Variants in CTNNA3 observed in about 807,000 individuals in gnomAD.
The protein encoded by CTNNA3 is catenin alpha 3.
A neutral mutation model predicts 95.7 loss-of-function variants in CTNNA3; 76 were observed. The ratio of observed to expected loss-of-function variants is 0.79; its 90% CI spans 0.66 to 0.96. CTNNA3 has a LOEUF of 0.96. CTNNA3 is among the 40% of genes least tolerant of loss of function. CTNNA3 has a pLI of 0.00. For synonymous variants in CTNNA3, 431 were observed against 374.4 expected, an observed-to-expected ratio of 1.15 and a Z score of -1.74; for missense variants, 1,191 against 1,089.8, an observed-to-expected ratio of 1.09 and a Z score of -1.31.
At chr10:66,575,716 A>G (rs921562793) in intron 10 of CTNNA3, among the ~76,000 whole-genome samples, 4 of 152,262 alleles carry the variant, frequency 2.6e-5, no homozygotes, top group South Asian at 2.1e-4. Context: ...AGGAGTCTTC[A>G]TAATAACTCT....
intron 9 of CTNNA3, among the ~76,000 whole-genome samples, chr10:66,718,817 T>G (rs1179595104): frequency 2.0e-5 from 3 of 152,128 alleles, no homozygotes; most frequent in Non-Finnish European, 4.4e-5. Flanking sequence ...TAACAATTGA[T>G]TAACACCATT....
At position 67,452,464 on chromosome 10, in the gene CTNNA3, C is replaced by T. The variant is rs536151665; in HGVS notation, c.579+69378G>A. On this transcript the variant is annotated intron_variant, in intron 5 of 17. Transcript: ENST00000433211. ...AGTATTTATGTGTGAGCAAGAATCA[C>T]AACACATGAATTAAACATTACTCAT... Among the ~76,000 whole-genome samples the T allele has an allele frequency of 3.9e-5, 6 of 152,088 alleles. No individual in the cohort carries two copies. The South Asian group carries it at 1.2e-3, about 32-fold the overall frequency.
At chr10:66,251,184 A>G (rs2090537580) in intron 13 of CTNNA3, among the ~76,000 whole-genome samples, 1 of 152,168 alleles carries the variant, frequency 6.6e-6, no homozygotes, top group Non-Finnish European at 1.5e-5. Flanking sequence ...GTAAGCAGCC[A>G]TCTTGTGTGG....
intron 7 of CTNNA3, among the ~76,000 whole-genome samples, chr10:67,000,810 C>G (rs1851641186): frequency 6.6e-6 from 1 of 151,952 alleles, no homozygotes; most frequent in Non-Finnish European, 1.5e-5. Context: ...AGAAGAATGC[C>G]AGTGCAATTC....
chr10:66,367,544 T>C (rs2092718714), intron 12 of CTNNA3, among the ~76,000 whole-genome samples: 2 of 149,816 alleles, frequency 1.3e-5, no homozygotes, highest in Middle Eastern at 3.6e-3. Context: ...CTTTAATATA[T>C]GTAATAGATA....
At chr10:67,676,217 T>C (rs1004768956) in intron 1 of CTNNA3, among the ~76,000 whole-genome samples, 2 of 152,082 alleles carry the variant, frequency 1.3e-5, no homozygotes, top group Admixed American at 6.6e-5. Flanking sequence ...CAAAACTTGA[T>C]TGTCTTTTAT....
chr10:67,130,874 C>G (rs1859967125), intron 7 of CTNNA3, among the ~76,000 whole-genome samples: 1 of 152,022 alleles, frequency 6.6e-6, no homozygotes, highest in African/African-American at 2.4e-5. Context: ...ACCCTTTCTT[C>G]CTCTGCTTGA....
chr10:67,623,855 T>C (rs1443742814), intron 2 of CTNNA3, among the ~76,000 whole-genome samples: 1 of 152,146 alleles, frequency 6.6e-6, no homozygotes, highest in African/African-American at 2.4e-5. Context: ...TCGCTCTTGT[T>C]GCCCAGGCTG....
intron 7 of CTNNA3, among the ~76,000 whole-genome samples, chr10:67,015,998 T>C (rs941857031): frequency 2.0e-5 from 3 of 150,364 alleles, no homozygotes; most frequent in Non-Finnish European, 3.0e-5. Flanking sequence ...TGAACTCTTG[T>C]TCTGTTTTCA....
chr10:67,515,579 T>A (rs1354105652), intron 5 of CTNNA3, among the ~76,000 whole-genome samples: 1 of 152,216 alleles, frequency 6.6e-6, no homozygotes, highest in Non-Finnish European at 1.5e-5. Context: ...TTTGAAATCT[T>A]CAGAAACAGG....
intron 6 of CTNNA3, among the ~76,000 whole-genome samples, chr10:67,183,595 C>T (rs897278040): frequency 2.6e-5 from 4 of 151,628 alleles, no homozygotes; most frequent in Admixed American, 6.6e-5. Context: ...TGTTAAATGA[C>T]GAGTTAATGG....
At chr10:66,199,765 C>CCATATA (rs1410081168) in intron 13 of CTNNA3, among the ~76,000 whole-genome samples, 2 of 30,716 alleles carry the variant, frequency 6.5e-5, no homozygotes, top group African/African-American at 3.5e-4. Flanking sequence ...CCACGCCTGG[C>CCATATA]TATATATATA....
intron 5 of CTNNA3, among the ~76,000 whole-genome samples, chr10:67,403,581 G>T (rs918371292): frequency 3.3e-5 from 5 of 151,796 alleles, no homozygotes; most frequent in African/African-American, 1.2e-4. Context: ...GGAGTGCCCA[G>T]GGGGCCAGGT....
At chr10:67,006,130 A>G (rs1415447075) in intron 7 of CTNNA3, among the ~76,000 whole-genome samples, 1 of 152,178 alleles carries the variant, frequency 6.6e-6, no homozygotes, top group Admixed American at 6.5e-5. Context: ...CTTGCAAGGT[A>G]AGAACTCCTG....
chr10:66,058,947 T>C (rs535370277), intron 15 of CTNNA3, among the ~76,000 whole-genome samples: 3 of 152,278 alleles, frequency 2.0e-5, no homozygotes, highest in African/African-American at 7.2e-5. Context: ...ATTATACATA[T>C]GGTTAGACTT....
chr10:67,560,064 C>A (rs1023467463), intron 3 of CTNNA3, among the ~76,000 whole-genome samples: 1 of 152,114 alleles, frequency 6.6e-6, no homozygotes, highest in African/African-American at 2.4e-5. Context: ...AAACACTCTG[C>A]AGGATATTAT....
chr10:67,303,061 T>G (rs1397329883), intron 5 of CTNNA3, among the ~76,000 whole-genome samples: 1 of 152,196 alleles, frequency 6.6e-6, no homozygotes, highest in Non-Finnish European at 1.5e-5. Flanking sequence ...CCTAACCATC[T>G]GTATTGTAAT....
intron 13 of CTNNA3, among the ~76,000 whole-genome samples, chr10:66,241,929 C>T (rs1253122237): frequency 6.6e-6 from 1 of 152,004 alleles, no homozygotes; most frequent in Non-Finnish European, 1.5e-5. Flanking sequence ...CTTTCAAAAC[C>T]TTGGAGCTGC....
intron 9 of CTNNA3, among the ~76,000 whole-genome samples, chr10:66,703,590 G>A (rs1353587085): frequency 2.6e-5 from 4 of 152,002 alleles, no homozygotes; most frequent in Admixed American, 6.5e-5. Flanking sequence ...AAATATGTCC[G>A]TGGTGATCCA....
Sources: allele counts gnomAD v4.1 joint callset (sites outside exome capture counted in the v4.1 genomes callset), GRCh38; gene constraint gnomAD v4.1.1; transcripts MANE v1.5; gene names NCBI Gene and HGNC (gene_info 2026-07-23, HGNC 2026-07-21).